The following ZNF280C variants were observed in gnomAD, a reference collection of about 807,000 sequenced individuals.
ZNF280C encodes suppressor of hairy wing homolog 3.
In ZNF280C, 14 loss-of-function variants were observed where a neutral mutation model predicts 53.6. That is an observed-to-expected ratio of 0.26 (90% CI 0.17 to 0.41). ZNF280C has a LOEUF of 0.41. Ranked by LOEUF, ZNF280C falls within the 10% of genes least tolerant of loss-of-function variation. The pLI is 1.00. For synonymous variants in ZNF280C, 203 were observed against 181.1 expected, an observed-to-expected ratio of 1.12 and a Z score of -0.97; for missense variants, 416 against 547.1, an observed-to-expected ratio of 0.76 and a Z score of 2.39.
rs1287890837 is a variant in ZNF280C, at chrX:130,215,333, C to A, written c.1839G>T (p.Arg613Ser). 5 of 1,154,218 alleles carry A rather than the reference C, an allele frequency of 4.3e-6. No homozygotes were observed. Among genetic ancestry groups the A allele is most frequent in the African/African-American group, 1.8e-5 (1 of 54,146 alleles). The change falls in exon 15 of 19, where the codon AGG becomes AGT. Residue 613 changes from arginine to serine, a missense_variant and splice_region_variant. Physicochemically the swap from Arg to Ser is moderately radical, Grantham distance 110 (BLOSUM62 -1). Coordinates refer to ENST00000370978, the MANE Select transcript of ZNF280C (RefSeq NM_017666.5). ...TGCACTTGTGAATTCCCCGACGACA[C>A]CTTATGGAGACGGAAAAAAAAGATA... ...NKMSLALKNIRCRRGIHKCIE... is the reference protein window; with the variant it reads ...NKMSLALKNISCRRGIHKCIE...
chrX:130,207,063 T>C (rs1250244102), intron 16 of ZNF280C, among the ~76,000 whole-genome samples: 1 of 111,183 alleles, frequency 9.0e-6, no homozygotes, highest in Non-Finnish European at 1.9e-5. Context: ...ATGGAGCCCT[T>C]TGATTCTGAA....
intron 3 of ZNF280C, among the ~76,000 whole-genome samples, chrX:130,244,129 T>C (rs986385727): frequency 8.9e-6 from 1 of 111,991 alleles, no homozygotes; most frequent in African/African-American, 3.2e-5. Context: ...CCATTACTCT[T>C]GAGTTCTGAA....
chrX:130,219,885 TA>T (rs985962856), intron 13 of ZNF280C, among the ~76,000 whole-genome samples: 1 of 109,152 alleles, frequency 9.2e-6, no homozygotes, highest in Non-Finnish European at 1.9e-5. Context: ...ATCAATCAAC[TA>T]AAAAAAACAA....
At chrX:130,262,287 C>G (rs1169411785) in intron 1 of ZNF280C, among the ~76,000 whole-genome samples, 1 of 112,075 alleles carries the variant, frequency 8.9e-6, no homozygotes, top group Non-Finnish European at 1.9e-5. Context: ...TCCAGCTCCT[C>G]AGTCACTCTA....
At chrX:130,267,286 AT>A (rs1468056218) in intron 1 of ZNF280C, among the ~76,000 whole-genome samples, 1 of 111,620 alleles carries the variant, frequency 9.0e-6, no homozygotes, top group African/African-American at 3.3e-5. Flanking sequence ...TCGAAAAAAA[AT>A]GAAGCCTTAA....
intron 3 of ZNF280C, among the ~76,000 whole-genome samples, chrX:130,245,396 TCTA>T (rs2032439951): frequency 8.9e-6 from 1 of 111,968 alleles, no homozygotes; most frequent in Non-Finnish European, 1.9e-5. Context: ...AATATTCTAT[TCTA>T]CTATCAATAA....
intron 10 of ZNF280C, 122 bp downstream of exon 10, chrX:130,228,852 TCAA>T: frequency 7.6e-6 from 5 of 662,153 alleles, no homozygotes; most frequent in Non-Finnish European, 4.4e-6. Flanking sequence ...ATTTTTTTTT[TCAA>T]TTTTGCCCTC....
chrX:130,233,586 C>T (rs898746648), intron 8 of ZNF280C, among the ~76,000 whole-genome samples: 143 of 99,475 alleles, frequency 1.4e-3, no homozygotes, highest in Non-Finnish European at 2.6e-3. Context: ...TACACCATTG[C>T]ACTCTAGCCT....
Position 130,236,597 on chromosome X carries a change from G to C in ZNF280C, c.536C>G (p.Ser179Cys). The C allele has an allele frequency of 8.4e-7, 1 of 1,193,458 alleles. No individual in the cohort carries two copies. The highest frequency in any genetic ancestry group is 1.1e-6 in the Non-Finnish European group (1 of 883,642). ...TSYVLKHPSTSKVNSVTPKKP... is the reference protein window; with the variant it reads ...TSYVLKHPSTCKVNSVTPKKP... Reference sequence around the variant, plus strand: ...TTTTGGAGTAACACTGTTTACTTTAGAAGTAGAAGGATGTTTCAACACATA... The same window carrying C: ...TTTTGGAGTAACACTGTTTACTTTACAAGTAGAAGGATGTTTCAACACATA... The change falls in exon 7 of 19, where the codon TCT becomes TGT. Residue 179 changes from serine to cysteine, a missense_variant. Ser to Cys is a moderately radical substitution (Grantham distance 112, BLOSUM62 -1). This residue lies in a region of ZNF280C where 193 missense variants were observed against 201.4 expected (regional missense o/e 0.96). Transcript: ENST00000370978.
chrX:130,214,472 C>T (rs189006859), intron 15 of ZNF280C, among the ~76,000 whole-genome samples: 5 of 110,994 alleles, frequency 4.5e-5, no homozygotes, highest in Admixed American at 1.9e-4. Context: ...CATTAAAAAG[C>T]CTGGAACCTC....
At chrX:130,256,763 G>A (rs1303891366) in intron 2 of ZNF280C, among the ~76,000 whole-genome samples, 1 of 109,322 alleles carries the variant, frequency 9.1e-6, no homozygotes, top group Non-Finnish European at 1.9e-5. Context: ...GCAGTGCATG[G>A]TGGCGCACAC....
intron 1 of ZNF280C, among the ~76,000 whole-genome samples, chrX:130,267,884 A>G (rs1337973412): frequency 2.7e-5 from 3 of 112,179 alleles, no homozygotes; most frequent in Admixed American, 9.4e-5. Flanking sequence ...TCGCAGATTT[A>G]AAAAACTCCA....
At chrX:130,249,423 G>T (rs993459736) in intron 2 of ZNF280C, among the ~76,000 whole-genome samples, 1 of 112,080 alleles carries the variant, frequency 8.9e-6, no homozygotes, top group African/African-American at 3.2e-5. Context: ...TTGGCGTGCT[G>T]GGACAAGAGG....
rs1046507448 is a variant in ZNF280C, at chrX:130,203,151, A to G, written c.*1826T>C. 1.8e-5 allele frequency: 2 copies of G among 111,667 alleles called. No individual in the cohort carries two copies. Among genetic ancestry groups the G allele is most frequent in the Admixed American group, 9.6e-5 (1 of 10,444 alleles). The allele number at this position is 111,667 out of a possible 1,213,427, so 9.2% of individuals were successfully genotyped here. The stretch of plus-strand genomic sequence containing the variant: ...GAAGCTACCAATAAGTAGCTACACG[A>G]AATCTGTAGACAATTCTAAGAAATG... On this transcript the variant is annotated 3_prime_UTR_variant, in exon 19 of 19. Transcript: ENST00000370978.
At chrX:130,261,041 G>T (rs1036329830) in intron 1 of ZNF280C, among the ~76,000 whole-genome samples, 4 of 111,925 alleles carry the variant, frequency 3.6e-5, no homozygotes, top group African/African-American at 9.7e-5. Flanking sequence ...TTTTTGAAAA[G>T]TAACAGAAAA....
At chrX:130,234,553 A>G (rs982811934) in intron 8 of ZNF280C, among the ~76,000 whole-genome samples, 1 of 112,410 alleles carries the variant, frequency 8.9e-6, no homozygotes, top group African/African-American at 3.2e-5. Flanking sequence ...GCTGAATTTT[A>G]ATAAAAATTT....
intron 16 of ZNF280C, among the ~76,000 whole-genome samples, chrX:130,207,516 G>A (rs1308735377): frequency 9.0e-6 from 1 of 110,573 alleles, no homozygotes; most frequent in Non-Finnish European, 1.9e-5. Flanking sequence ...ACACCACCAT[G>A]CCCGGCTAAT....
chrX:130,227,647 C>G (rs1569434704), intron 11 of ZNF280C, 35 bp downstream of exon 11: 2 of 995,328 alleles, frequency 2.0e-6, no homozygotes, highest in East Asian at 3.1e-5. Context: ...GAAAATTAAA[C>G]AAACACTTAA....
intron 15 of ZNF280C, among the ~76,000 whole-genome samples, chrX:130,210,409 A>T (rs766658117): frequency 1.8e-5 from 2 of 112,259 alleles, no homozygotes; most frequent in South Asian, 7.3e-4. Flanking sequence ...GATATTTGAT[A>T]ATGTATTTTG....
Sources: gnomAD v4.1 joint callset for allele counts (sites outside exome capture counted in the v4.1 genomes callset) on GRCh38, gnomAD v4.1.1 for gene constraint, gnomAD v4.1.1 regional missense constraint, MANE v1.5 for transcripts, NCBI Gene and HGNC (gene_info 2026-07-23, HGNC 2026-07-21) for gene names.